Variants in TMEM116 observed in about 807,000 individuals in gnomAD.
TMEM116 encodes transmembrane protein 116.
A neutral mutation model predicts 44.3 loss-of-function variants in TMEM116; 38 were observed. The ratio of observed to expected loss-of-function variants is 0.86; its 90% CI spans 0.66 to 1.12. The LOEUF (loss-of-function observed/expected upper bound fraction) is 1.12, where lower values mean the gene tolerates loss of function less well. TMEM116 is among the 50% of genes most tolerant of loss of function. The pLI, the probability that TMEM116 is intolerant of heterozygous loss-of-function variation, is 0.00. For missense variants in TMEM116, 354 were observed against 401.7 expected (o/e 0.88, Z 1.01); for synonymous variants, 132 against 144.8 (o/e 0.91, Z 0.64).
At chr12:111,966,553 C>T (rs1211311690) in intron 4 of TMEM116, among the ~76,000 whole-genome samples, 1 of 152,130 alleles carries the variant, frequency 6.6e-6, no homozygotes, top group African/African-American at 2.4e-5. Flanking sequence ...TTTGGAACTA[C>T]TCAGTTTTTA....
intron 5 of TMEM116, among the ~76,000 whole-genome samples, chr12:111,939,878 C>CTGTGTGTG (rs1491148442): frequency 7.2e-5 from 8 of 110,722 alleles, no homozygotes; most frequent in Non-Finnish European, 1.2e-4. Flanking sequence ...ATCTTCAAAG[C>CTGTGTGTG]TCTGTGTGTG....
intron 4 of TMEM116, among the ~76,000 whole-genome samples, chr12:111,980,294 C>T (rs538577166): frequency 1.3e-5 from 2 of 152,186 alleles, no homozygotes; most frequent in East Asian, 3.9e-4. Context: ...ATACATATTG[C>T]TAAGTGAAAA....
chr12:112,005,277 T>C lies in TMEM116; in HGVS notation c.-7A>G. On this transcript the variant is annotated 5_prime_UTR_variant, in exon 2 of 11. Coordinates refer to ENST00000552374, the MANE Select transcript of TMEM116 (RefSeq NM_001193531.2). Reference sequence around the variant, plus strand: ...CATACCTCAGAGTAGCCATGACAAATTGTATCCACTGTATTGCAGGAAGAA... The same window carrying C: ...CATACCTCAGAGTAGCCATGACAAACTGTATCCACTGTATTGCAGGAAGAA... The C allele has an allele frequency of 7.5e-7, 1 of 1,334,374 alleles. No homozygotes were observed. The highest frequency in any genetic ancestry group is 9.6e-7 in the Non-Finnish European group (1 of 1,046,516). The allele number at this position is 1,334,374 out of a possible 1,614,324, so 82.7% of individuals were successfully genotyped here. A position where few individuals can be genotyped will look rare whatever the true frequency, so the allele number is the denominator to read the frequency against.
At chr12:111,946,249 G>A (rs1593321434) in intron 4 of TMEM116, among the ~76,000 whole-genome samples, 1 of 152,216 alleles carries the variant, frequency 6.6e-6, no homozygotes, top group East Asian at 1.9e-4. Context: ...ACCCAGTGGT[G>A]CTAGAGGAAT....
Position 111,943,695 on chromosome 12 carries a change from CCG to C in TMEM116, c.211-328_211-327del, listed in dbSNP as rs1253421547. The stretch of plus-strand genomic sequence containing the variant: ...GATTACAGACACGTGCCACTACGCC[CCG>C]CTAATTTTATTGTATTTTTGGTAGA... On this transcript the variant is annotated intron_variant, in intron 4 of 10. Coordinates refer to ENST00000552374, the MANE Select transcript of TMEM116 (RefSeq NM_001193531.2). Among the ~76,000 whole-genome samples the C allele has an allele frequency of 3.3e-5, 5 of 152,102 alleles. No homozygotes were observed. The South Asian group carries it at 8.3e-4, about 25-fold the overall frequency.
At chr12:111,983,666 G>A (rs2076072473) in intron 4 of TMEM116, among the ~76,000 whole-genome samples, 1 of 152,194 alleles carries the variant, frequency 6.6e-6, no homozygotes, top group African/African-American at 2.4e-5. Context: ...TAACTAGTAA[G>A]GAGATTTAAT....
chr12:111,982,113 A>G (rs1479644508), intron 4 of TMEM116, among the ~76,000 whole-genome samples: 1 of 152,178 alleles, frequency 6.6e-6, no homozygotes, highest in East Asian at 1.9e-4. Context: ...CAGGACATCT[A>G]TTGTACAACA....
At chr12:111,959,493 A>T (rs1196943439) in intron 4 of TMEM116, among the ~76,000 whole-genome samples, 1 of 152,242 alleles carries the variant, frequency 6.6e-6, no homozygotes, top group Non-Finnish European at 1.5e-5. Flanking sequence ...TTCACACATG[A>T]CAATATTAAC....
intron 5 of TMEM116, among the ~76,000 whole-genome samples, chr12:111,939,880 C>CTGTGTGTGTGTGTGTGTGTGTGTGTG (rs61322648): frequency 1.5e-5 from 2 of 130,378 alleles, no homozygotes; most frequent in African/African-American, 5.7e-5. Flanking sequence ...CTTCAAAGCT[C>CTGTGTGTGTGTGTGTGTGTGTGTGTG]TGTGTGTGTG....
chr12:112,011,012 T>C (rs2077813105), intron 1 of TMEM116: 1 of 152,318 alleles, frequency 6.6e-6, no homozygotes, highest in Admixed American at 6.5e-5. Context: ...CCATTGCCAT[T>C]CTTGGCCCCA....
chr12:112,005,460 C>T (rs1251856240), intron 1 of TMEM116, 157 bp from the exon 2 acceptor site: 1 of 535,490 alleles, frequency 1.9e-6, no homozygotes, highest in East Asian at 3.7e-5. Flanking sequence ...GCTGAACAGG[C>T]CCCTGGAAAG....
intron 4 of TMEM116, among the ~76,000 whole-genome samples, chr12:111,976,126 A>G (rs991296264): frequency 5.3e-5 from 8 of 151,962 alleles, no homozygotes; most frequent in Admixed American, 2.6e-4. Flanking sequence ...CTCCTGTCTC[A>G]GCCTCCTGAG....
At chr12:111,982,578 G>C (rs2076001106) in intron 4 of TMEM116, among the ~76,000 whole-genome samples, 1 of 152,076 alleles carries the variant, frequency 6.6e-6, no homozygotes, top group South Asian at 2.1e-4. Flanking sequence ...TGGGATTACA[G>C]GTATGAGCCA....
intron 4 of TMEM116, among the ~76,000 whole-genome samples, chr12:111,972,812 G>A (rs2075432825): frequency 1.3e-5 from 2 of 152,094 alleles, no homozygotes; most frequent in Admixed American, 6.6e-5. Context: ...GGAGGAGGAG[G>A]TTGCAGTGAG....
chr12:111,936,583 G>T, intron 8 of TMEM116, 109 bp downstream of exon 8: 1 of 1,277,704 alleles, frequency 7.8e-7, no homozygotes, highest in African/African-American at 1.5e-5. Flanking sequence ...CTTAGTTCTA[G>T]GACCACAAGA....
chr12:111,942,759 T>C (rs1408215039), intron 5 of TMEM116, among the ~76,000 whole-genome samples: 3 of 151,420 alleles, frequency 2.0e-5, no homozygotes, highest in African/African-American at 7.3e-5. Context: ...TAATCAAACC[T>C]GTATGTGTAT....
intron 4 of TMEM116, among the ~76,000 whole-genome samples, chr12:111,991,340 G>A (rs139725615): frequency 0.012 from 1,868 of 151,038 alleles, 45 homozygotes; most frequent in African/African-American, 0.044. Flanking sequence ...GGCTAACACG[G>A]TGAAACCCCG....
chr12:111,971,967 T>G (rs963158470), intron 4 of TMEM116, among the ~76,000 whole-genome samples: 4 of 149,956 alleles, frequency 2.7e-5, no homozygotes, highest in African/African-American at 9.8e-5. Context: ...CCTACCAACT[T>G]AAGGAAGCTG....
chr12:111,976,836 A>G (rs1412021657), intron 4 of TMEM116, among the ~76,000 whole-genome samples: 1 of 152,208 alleles, frequency 6.6e-6, no homozygotes, highest in East Asian at 1.9e-4. Flanking sequence ...AAGAAAGGGC[A>G]CATCAATTAA....
Sources: gnomAD v4.1 joint callset for allele counts (sites outside exome capture counted in the v4.1 genomes callset) on GRCh38, gnomAD v4.1.1 for gene constraint, MANE v1.5 for transcripts, NCBI Gene and HGNC (gene_info 2026-07-23, HGNC 2026-07-21) for gene names.